The following C2orf78 variants were observed in gnomAD, a reference collection of about 807,000 sequenced individuals.
The protein encoded by C2orf78 is chromosome 2 open reading frame 78.
A neutral mutation model predicts 21.4 loss-of-function variants in C2orf78; 12 were observed. That is an observed-to-expected ratio of 0.56 (90% CI 0.36 to 0.91). The LOEUF (loss-of-function observed/expected upper bound fraction) is 0.91. C2orf78 is among the 40% of genes least tolerant of loss of function. The pLI is 0.01. For missense variants in C2orf78, 1,042 were observed against 1,092.4 expected, an observed-to-expected ratio of 0.95 and a Z score of 0.65; for synonymous variants, 396 against 413.9, an observed-to-expected ratio of 0.96 and a Z score of 0.52.
intron 1 of C2orf78, among the ~76,000 whole-genome samples, 171 bp from the exon 2 acceptor site, chr2:73,813,306 A>C (rs1423867148): frequency 6.6e-6 from 1 of 152,202 alleles, no homozygotes; most frequent in Non-Finnish European, 1.5e-5. Flanking sequence ...AAGAGGACCA[A>C]ACTGCTTCAG....
rs769264087 is a variant in C2orf78, at chr2:73,811,290, CAAAAG to C, written c.98-2173_98-2169del. 2.8e-4 allele frequency among the ~76,000 whole-genome samples: 43 copies of C among 151,958 alleles called. 1 individual carries two copies. The highest frequency in any genetic ancestry group is 8.9e-4 in the African/African-American group (37 of 41,446). On this transcript the variant is annotated intron_variant, in intron 1 of 2. Coordinates refer to ENST00000409561, the Ensembl canonical transcript of C2orf78. ...TGTAGGATAGAGCAGGACCCCATCT[CAAAAG>C]AAAAGAAAAGAAATGTTGCTTCCTA...
At chr2:73,814,085 G>C in exon 2 of C2orf78, 1 of 1,613,442 alleles carries the variant, frequency 6.2e-7, no homozygotes, top group African/African-American at 1.3e-5. Context: ...GTCATACACA[G>C]GATATAGGGC....
At chr2:73,816,106 T>A in exon 3 of C2orf78, 1 of 1,613,940 alleles carries the variant, frequency 6.2e-7, no homozygotes, top group Non-Finnish European at 8.5e-7. Flanking sequence ...TCCCTAGGCA[T>A]GCACATGCTA....
chr2:73,810,871 T>A (rs1673074598), intron 1 of C2orf78, among the ~76,000 whole-genome samples: 1 of 138,992 alleles, frequency 7.2e-6, no homozygotes, highest in African/African-American at 2.7e-5. Context: ...AATATACATA[T>A]AAATTTTAAA....
chr2:73,813,456 T>C (rs375782651), intron 1 of C2orf78, 21 bp from the exon 2 acceptor site: 70 of 1,546,646 alleles, frequency 4.5e-5, no homozygotes, highest in Non-Finnish European at 6.1e-5. Flanking sequence ...GGTTTTTTCA[T>C]CTCTCTCTTG....
intron 1 of C2orf78, among the ~76,000 whole-genome samples, chr2:73,810,397 C>T (rs1331354559): frequency 6.6e-6 from 1 of 151,474 alleles, no homozygotes; most frequent in South Asian, 2.1e-4. Context: ...CATGGTGGCA[C>T]ATGCCTGTAA....
exon 3 of C2orf78, chr2:73,816,959 G>A (rs766473401): frequency 2.4e-5 from 38 of 1,610,416 alleles, no homozygotes; most frequent in Middle Eastern, 1.6e-4. Context: ...AAAGAGATAT[G>A]GAAATTGCTG....
chr2:73,810,750 T>A (rs1441157024), intron 1 of C2orf78, among the ~76,000 whole-genome samples: 1 of 131,734 alleles, frequency 7.6e-6, no homozygotes, highest in East Asian at 2.0e-4. Context: ...ACATGTATAT[T>A]TTATGTATAT....
intron 1 of C2orf78, 49 bp from the exon 2 acceptor site, chr2:73,813,428 G>C (rs993527489): frequency 7.4e-6 from 11 of 1,492,372 alleles, no homozygotes; most frequent in Non-Finnish European, 9.8e-6. Flanking sequence ...AATAAGGTGA[G>C]AATTTTTCAC....
At chr2:73,811,703 T>A (rs1673092901) in intron 1 of C2orf78, among the ~76,000 whole-genome samples, 1 of 152,176 alleles carries the variant, frequency 6.6e-6, no homozygotes, top group African/African-American at 2.4e-5. Context: ...TTAATTGGAT[T>A]CTAGCAGTTG....
rs751334368 is a variant in C2orf78 at position 73,815,215 on chromosome 2, T to G, written c.992T>G (p.Leu331Arg). ...CTTGAGAGTAACCCATCACCTGAGCTTGGGGACATTTCAATAACTCCAGTC... is the reference window on the plus strand; with the variant it reads ...CTTGAGAGTAACCCATCACCTGAGCGTGGGGACATTTCAATAACTCCAGTC... Residue 331 changes from leucine (L) to arginine (R), a missense_variant, in exon 3 of 3, where the codon CTT becomes CGT. Transcript: ENST00000409561. The G allele has an allele frequency of 1.1e-5, 17 of 1,613,882 alleles. No homozygotes were observed. The Admixed American group carries it at 2.8e-4, about 27-fold the overall frequency.
chr2:73,808,155 G>C (rs1398428126), intron 1 of C2orf78, among the ~76,000 whole-genome samples: 2 of 151,020 alleles, frequency 1.3e-5, no homozygotes, highest in Non-Finnish European at 2.9e-5. Context: ...TAAGGAGTCT[G>C]AGGCAGGAGA....
exon 3 of C2orf78, chr2:73,815,886 C>T: frequency 6.2e-7 from 1 of 1,613,526 alleles, no homozygotes. Flanking sequence ...CAACAAACCT[C>T]ACAAGGCTGC....
rs1673047521 is a variant in C2orf78 at position 73,810,079 on chromosome 2, T to A, written c.98-3398T>A. Among the ~76,000 whole-genome samples, 3 of 152,162 alleles carry A rather than the reference T, an allele frequency of 2.0e-5. No individual in the cohort carries two copies. In the South Asian group the frequency reaches 6.2e-4, roughly 32 times the overall value. On this transcript the variant is annotated intron_variant, in intron 1 of 2. Coordinates refer to ENST00000409561, the Ensembl canonical transcript of C2orf78. ...AAATAGAGCAAAATGAAGTTGGTTTTAGCAAATGCTTAGATCAAAGGACTA... is the reference window on the plus strand; with the variant it reads ...AAATAGAGCAAAATGAAGTTGGTTTAAGCAAATGCTTAGATCAAAGGACTA...
chr2:73,815,516 T>C, exon 3 of C2orf78: 1 of 1,613,866 alleles, frequency 6.2e-7, no homozygotes, highest in Non-Finnish European at 8.5e-7. Flanking sequence ...AAGGGATATT[T>C]GAAAATGGGA....
intron 1 of C2orf78, among the ~76,000 whole-genome samples, chr2:73,810,792 TTA>T (rs1172186657): frequency 8.5e-5 from 9 of 106,002 alleles, no homozygotes; most frequent in Non-Finnish European, 1.3e-4. Context: ...CATGTATATT[TTA>T]TATATATAAT....
chr2:73,784,197 C>T (rs544376139), exon 1 of C2orf78: 4 of 1,502,982 alleles, frequency 2.7e-6, no homozygotes, highest in African/African-American at 2.8e-5. Context: ...TCCCACCAAA[C>T]CGACCACCAC....
At chr2:73,806,996 C>T (rs1403758834) in intron 1 of C2orf78, among the ~76,000 whole-genome samples, 1 of 141,472 alleles carries the variant, frequency 7.1e-6, no homozygotes. Flanking sequence ...CTCGCTGACA[C>T]GGTGAAACCC....
At chr2:73,816,865 C>G (rs1333767320) in exon 3 of C2orf78, 2 of 1,613,886 alleles carry the variant, frequency 1.2e-6, no homozygotes, top group East Asian at 4.5e-5. Context: ...GAGCGTGAGG[C>G]CATGAAGAGA....
Sources: gnomAD v4.1 joint callset for allele counts (sites outside exome capture counted in the v4.1 genomes callset) on GRCh38, gnomAD v4.1.1 for gene constraint, MANE v1.5 for transcripts, NCBI Gene and HGNC (gene_info 2026-07-23, HGNC 2026-07-21) for gene names.